Variants in DIP2B observed in about 807,000 individuals in gnomAD.
DIP2B encodes DIP2 acetate--CoA ligase B (putative).
Under a neutral mutation model 198.0 loss-of-function variants are expected in DIP2B, and 76 were observed. That is an observed-to-expected ratio of 0.38 (90% confidence interval 0.32 to 0.46). The LOEUF (loss-of-function observed/expected upper bound fraction) is 0.46. DIP2B is among the 20% of genes least tolerant of loss of function. The pLI is 0.99. For synonymous variants in DIP2B, 701 were observed against 739.1 expected (o/e 0.95, Z 0.84); for missense variants, 1,559 against 1,978.4 (o/e 0.79, Z 4.02).
intron 22 of DIP2B, among the ~76,000 whole-genome samples, chr12:50,711,214 A>C (rs1939608508): frequency 6.6e-6 from 1 of 152,194 alleles, no homozygotes; most frequent in African/African-American, 2.4e-5. Flanking sequence ...ACCAGCTCGG[A>C]GCATTCGAGT....
chr12:50,578,521 T>A (rs1958683941), intron 1 of DIP2B, among the ~76,000 whole-genome samples: 1 of 148,548 alleles, frequency 6.7e-6, no homozygotes, highest in Non-Finnish European at 1.5e-5. Flanking sequence ...TTTTTTTTTT[T>A]TTTTGAGACG....
intron 1 of DIP2B, among the ~76,000 whole-genome samples, chr12:50,527,072 T>A (rs1427827409): frequency 6.6e-6 from 1 of 152,228 alleles, no homozygotes; most frequent in East Asian, 1.9e-4. Flanking sequence ...TGGGTCCTGG[T>A]TGGAAAAAAA....
chr12:50,692,102 G>A (rs2139549229), intron 13 of DIP2B, among the ~76,000 whole-genome samples: 1 of 151,974 alleles, frequency 6.6e-6, no homozygotes, highest in South Asian at 2.1e-4. Flanking sequence ...TCATATAATG[G>A]CTGGGACATT....
Position 50,734,211 on chromosome 12 carries a change from TTAA to T in DIP2B, c.4043+17_4043+19del. ...AGACATGACAGGTACAACAGATTTA[TTAA>T]TGCTCCTTTCCTACTAGTTCCTAAG... On this transcript the variant is annotated intron_variant, in intron 33 of 37. Transcript: ENST00000301180. 1 of 1,613,798 alleles carries T rather than the reference TTAA, an allele frequency of 6.2e-7. No homozygotes were observed. Among genetic ancestry groups the T allele is most frequent in the South Asian group, 1.1e-5 (1 of 91,050 alleles).
chr12:50,681,482 G>A (rs1044734718), intron 9 of DIP2B, among the ~76,000 whole-genome samples: 1 of 151,882 alleles, frequency 6.6e-6, no homozygotes, highest in Non-Finnish European at 1.5e-5. Context: ...ACATTTTTCT[G>A]TGGTCTTATG....
chr12:50,731,321 G>C (rs772788321), intron 30 of DIP2B, 48 bp from the exon 31 acceptor site: 2 of 1,591,142 alleles, frequency 1.3e-6, no homozygotes, highest in South Asian at 1.1e-5. Context: ...GAAGCATCAG[G>C]TATCCAGGAT....
At chr12:50,692,836 T>TCAAAAAAAAAAAAA in intron 13 of DIP2B, 113 bp from the exon 14 acceptor site, 1 of 918,560 alleles carries the variant, frequency 1.1e-6, no homozygotes, top group Non-Finnish European at 1.7e-6. Flanking sequence ...AGACTCCATC[T>TCAAAAAAAAAAAAA]AAAAGAAAAA....
intron 8 of DIP2B, chr12:50,679,642 A>G (rs1037858018): frequency 3.3e-5 from 5 of 152,192 alleles, no homozygotes; most frequent in African/African-American, 9.6e-5. Flanking sequence ...GTAGGAAAAG[A>G]AAAGCATTTT....
chr12:50,507,745 AG>A (rs777534131), intron 1 of DIP2B, among the ~76,000 whole-genome samples: 20 of 152,286 alleles, frequency 1.3e-4, no homozygotes, highest in African/African-American at 4.3e-4. Context: ...CGTGTTGGCC[AG>A]GCTGATCTTA....
At chr12:50,660,507 G>C (rs945774139) in intron 4 of DIP2B, among the ~76,000 whole-genome samples, 188 bp downstream of exon 4, 1 of 151,906 alleles carries the variant, frequency 6.6e-6, no homozygotes, top group Non-Finnish European at 1.5e-5. Context: ...GATGTCTTAA[G>C]AGTAAAACTA....
At position 50,748,504 on chromosome 12, in the gene DIP2B, A is replaced by G. The variant is rs927878514; in HGVS notation, c.*3665A>G. On this transcript the variant is annotated 3_prime_UTR_variant, in exon 38 of 38. Coordinates refer to ENST00000301180, the MANE Select transcript of DIP2B (RefSeq NM_173602.3). ...AAGATATTTACCCGTGTCAAATTCA[A>G]ACTACAGTACTGTGTAATTATGTAT... 2 of 152,704 alleles carry G rather than the reference A, an allele frequency of 1.3e-5. No individual in the cohort carries two copies. Among genetic ancestry groups the G allele is most frequent in the East Asian group, 1.9e-4 (1 of 5,202 alleles). The allele number at this position is 152,704 out of a possible 1,614,324, so 9.5% of individuals were successfully genotyped here.
intron 1 of DIP2B, among the ~76,000 whole-genome samples, chr12:50,623,439 T>A (rs61927855): frequency 4.5e-3 from 260 of 57,148 alleles, no homozygotes; most frequent in African/African-American, 0.019. Flanking sequence ...ACACACACAC[T>A]CTCTCTCTCT....
chr12:50,719,644 C>T lies in DIP2B; in HGVS notation c.3042+609C>T, dbSNP rs191689134. Among the ~76,000 whole-genome samples, 625 of 152,030 alleles carry T rather than the reference C, an allele frequency of 4.1e-3. 8 individuals carry two copies. Among genetic ancestry groups the T allele is most frequent in the African/African-American group, 0.014 (578 of 41,494 alleles). ...ATCACTTGAGGTCAGGAGTTCAAGA[C>T]TAGCCTGACCAACATGTGAAACGCT... is the stretch of plus-strand genomic sequence containing the variant. On this transcript the variant is annotated intron_variant, in intron 25 of 37. Transcript: ENST00000301180.
At chr12:50,678,898 T>A (rs1938992528) in intron 8 of DIP2B, 22 bp downstream of exon 8, 6 of 1,613,600 alleles carry the variant, frequency 3.7e-6, no homozygotes, top group Non-Finnish European at 5.1e-6. Flanking sequence ...AGATTCCAGA[T>A]CCTTCTCTCC....
chr12:50,566,130 C>A (rs1261915309), intron 1 of DIP2B, among the ~76,000 whole-genome samples: 2 of 152,132 alleles, frequency 1.3e-5, no homozygotes, highest in Non-Finnish European at 2.9e-5. Context: ...GCAGCCTCAA[C>A]CTCCTGAACT....
In DIP2B at chr12:50,705,915, A is replaced by G. The variant is rs945703015; in HGVS notation, c.2407-623A>G. On this transcript the variant is annotated intron_variant, in intron 20 of 37. Transcript: ENST00000301180. ...ATTTAGAAATTCTGTAATGAATGAG[A>G]AAAGTTAATTTGCTGCAAATGAGTC... 2.4e-4 allele frequency among the ~76,000 whole-genome samples: 36 copies of G among 152,234 alleles called. 1 individual carries two copies. Among genetic ancestry groups the G allele is most frequent in the Non-Finnish European group, 4.4e-5 (3 of 68,038 alleles).
Position 50,678,890 on chromosome 12 carries a change from A to G in DIP2B, c.1114+14A>G. 6.2e-7 allele frequency: 1 copy of G among 1,614,060 alleles called. No individual in the cohort carries two copies. The highest frequency in any genetic ancestry group is 8.5e-7 in the Non-Finnish European group (1 of 1,179,922). On this transcript the variant is annotated intron_variant, in intron 8 of 37. Transcript: ENST00000301180. ...CTCTTACATATGGTGAGTCTGCAAG[A>G]TTCCAGATCCTTCTCTCCTGAGAGT...
intron 1 of DIP2B, among the ~76,000 whole-genome samples, chr12:50,533,082 A>G (rs1028613831): frequency 2.6e-5 from 4 of 152,264 alleles, no homozygotes; most frequent in Non-Finnish European, 4.4e-5. Flanking sequence ...AGTCACAGTG[A>G]GTCATAAAGA....
At chr12:50,676,174 A>G (rs1938942394) in intron 7 of DIP2B, among the ~76,000 whole-genome samples, 2 of 152,186 alleles carry the variant, frequency 1.3e-5, no homozygotes, top group Admixed American at 6.5e-5. Flanking sequence ...GAGTATGGAT[A>G]AAATGAGAAT....
Sources: gnomAD v4.1 joint callset for allele counts (sites outside exome capture counted in the v4.1 genomes callset) on GRCh38, gnomAD v4.1.1 for gene constraint, MANE v1.5 for transcripts, NCBI Gene and HGNC (gene_info 2026-07-23, HGNC 2026-07-21) for gene names.